TTC7B: variants seen among roughly 807,000 people sequenced by gnomAD.
TTC7B encodes the protein tetratricopeptide repeat domain 7B.
A neutral mutation model predicts 106.8 loss-of-function variants in TTC7B; 28 were observed. The ratio of observed to expected loss-of-function variants is 0.26; its 90% CI spans 0.19 to 0.36. The LOEUF (loss-of-function observed/expected upper bound fraction) is 0.36, where lower values mean the gene tolerates loss of function less well. Among genes scored for constraint, TTC7B ranks in the 10% least tolerant of loss-of-function variants. TTC7B has a pLI of 1.00. For synonymous variants in TTC7B, 405 were observed against 430.6 expected, an observed-to-expected ratio of 0.94 and a Z score of 0.74; for missense variants, 862 against 1,076.4, an observed-to-expected ratio of 0.80 and a Z score of 2.79.
intron 1 of TTC7B, among the ~76,000 whole-genome samples, chr14:90,814,462 G>A (rs974485383): frequency 6.6e-6 from 1 of 152,204 alleles, no homozygotes; most frequent in Non-Finnish European, 1.5e-5. Flanking sequence ...AGGGCATAAG[G>A]GCAGGGGCTT....
chr14:90,639,798 A>G (rs2139875087), intron 15 of TTC7B, among the ~76,000 whole-genome samples: 1 of 152,314 alleles, frequency 6.6e-6, no homozygotes, highest in Non-Finnish European at 1.5e-5. Flanking sequence ...CTAAGTAAGG[A>G]AATCTTAGTG....
chr14:90,599,394 C>T (rs1188878182), intron 17 of TTC7B, among the ~76,000 whole-genome samples: 2 of 152,206 alleles, frequency 1.3e-5, no homozygotes, highest in Non-Finnish European at 2.9e-5. Flanking sequence ...TGGAATCCTG[C>T]CCACCCGGTG....
chr14:90,659,242 AGT>A (rs199576866), intron 9 of TTC7B, among the ~76,000 whole-genome samples: 4,690 of 145,010 alleles, frequency 0.032, 215 homozygotes, highest in African/African-American at 0.12. Context: ...AGAGAGAGAG[AGT>A]GTGTGGAGTG....
chr14:90,791,333 G>A (rs187482236), intron 1 of TTC7B, among the ~76,000 whole-genome samples: 12 of 152,276 alleles, frequency 7.9e-5, no homozygotes, highest in Non-Finnish European at 1.6e-4. Context: ...GGAAGAACCT[G>A]TGTGTTGTGC....
intron 3 of TTC7B, among the ~76,000 whole-genome samples, chr14:90,778,403 T>C (rs978634225): frequency 6.6e-6 from 1 of 152,206 alleles, no homozygotes; most frequent in African/African-American, 2.4e-5. Context: ...GTAGACAGCC[T>C]GCCTCCATTA....
intron 12 of TTC7B, among the ~76,000 whole-genome samples, 179 bp downstream of exon 12, chr14:90,654,814 T>C (rs1049521678): frequency 4.6e-5 from 7 of 152,074 alleles, no homozygotes; most frequent in African/African-American, 1.4e-4. Context: ...TGCCCTCCCA[T>C]TCTCCCATCA....
In TTC7B at chr14:90,531,905, G is replaced by A. The variant is rs1432322263; in HGVS notation, c.*9463C>T. The A allele has an allele frequency of 6.6e-6, 1 of 152,226 alleles. No individual in the cohort carries two copies. The highest frequency in any genetic ancestry group is 2.4e-5 in the African/African-American group (1 of 41,436). 9.4% of individuals were successfully genotyped at this position (152,226 alleles called of 1,614,324 possible). On this transcript the variant is annotated 3_prime_UTR_variant, in exon 20 of 20. Transcript: ENST00000328459. ...GTTTTAAAAACTGCTACATAGGCCA[G>A]GCACACTGACTCACACCTGTTATCC...
At chr14:90,798,323 G>A (rs1247818665) in intron 1 of TTC7B, among the ~76,000 whole-genome samples, 2 of 152,134 alleles carry the variant, frequency 1.3e-5, no homozygotes, top group East Asian at 1.9e-4. Flanking sequence ...ATAATAAAAG[G>A]TGATTGCTTT....
intron 3 of TTC7B, among the ~76,000 whole-genome samples, chr14:90,778,138 C>A (rs1275196615): frequency 6.6e-6 from 1 of 152,174 alleles, no homozygotes; most frequent in Non-Finnish European, 1.5e-5. Flanking sequence ...AGCCCCCAGG[C>A]TGCTGGCCAC....
In TTC7B at chr14:90,672,339, C is replaced by T. The variant is rs183436328; in HGVS notation, c.1152+4184G>A. 5.4e-4 allele frequency among the ~76,000 whole-genome samples: 83 copies of T among 152,296 alleles called. 1 individual carries two copies. Among genetic ancestry groups the T allele is most frequent in the South Asian group, 3.9e-3 (19 of 4,824 alleles). Reference sequence around the variant, plus strand: ...AGGACTTACTCACACACGAGCCACACGGTGATATGTCTAGATCGCATCTTC... The same window carrying T: ...AGGACTTACTCACACACGAGCCACATGGTGATATGTCTAGATCGCATCTTC... On this transcript the variant is annotated intron_variant, in intron 9 of 19. Coordinates refer to ENST00000328459, the MANE Select transcript of TTC7B (RefSeq NM_001010854.2).
intron 3 of TTC7B, among the ~76,000 whole-genome samples, chr14:90,780,487 A>AAAGAAAGAAAGAAAGAAAGG (rs1490881541): frequency 1.3e-5 from 2 of 152,012 alleles, no homozygotes; most frequent in African/African-American, 4.8e-5. Context: ...AGAAAGAAAG[A>AAAGAAAGAAAGAAAGAAAGG]AAGGAAAGAA....
At chr14:90,677,784 C>A (rs1262470516) in intron 8 of TTC7B, 1 of 453,326 alleles carries the variant, frequency 2.2e-6, no homozygotes, top group East Asian at 7.0e-5. Context: ...TGTGTGAGTC[C>A]AAGGCATTTA....
Position 90,668,965 on chromosome 14 carries a change from A to C in TTC7B, c.1152+7558T>G, listed in dbSNP as rs146206332. ...CTCATACTTTCTGATTTCAAAGCTT[A>C]CTACTAAGCTACAGAAATTAAAATA... On this transcript the variant is annotated intron_variant, in intron 9 of 19. Coordinates refer to ENST00000328459, the MANE Select transcript of TTC7B (RefSeq NM_001010854.2). Among the ~76,000 whole-genome samples the C allele has an allele frequency of 2.7e-3, 404 of 151,784 alleles. 3 individuals are homozygous for C. The highest frequency in any genetic ancestry group is 9.2e-3 in the African/African-American group (381 of 41,356).
Position 90,525,630 on chromosome 14 carries a change from C to G in TTC7B, c.*15738G>C, listed in dbSNP as rs1889131356. On this transcript the variant is annotated 3_prime_UTR_variant, in exon 20 of 20. Transcript: ENST00000328459. ...GCAGTCGTCGCTGGGTCAGCTGTTT[C>G]GAGCGGCGGATCTGCTCCTATAGAT... The G allele has an allele frequency of 6.6e-6, 1 of 150,656 alleles. No individual in the cohort carries two copies. Among genetic ancestry groups the G allele is most frequent in the South Asian group, 2.1e-4 (1 of 4,740 alleles). The allele number at this position is 150,656 out of a possible 1,614,324, so 9.3% of individuals were successfully genotyped here.
At chr14:90,738,097 C>A (rs926494343) in intron 4 of TTC7B, among the ~76,000 whole-genome samples, 6 of 151,988 alleles carry the variant, frequency 3.9e-5, no homozygotes, top group Admixed American at 2.6e-4. Context: ...AACAGTAATG[C>A]TATTTTTGAG....
chr14:90,643,426 A>G (rs761257545), intron 15 of TTC7B, among the ~76,000 whole-genome samples: 17 of 152,240 alleles, frequency 1.1e-4, no homozygotes, highest in Admixed American at 7.2e-4. Flanking sequence ...AAAGGAATGT[A>G]TAACTATTAA....
Position 90,538,938 on chromosome 14 carries a change from A to G in TTC7B, c.*2430T>C, listed in dbSNP as rs1029425691. ...ATCATTCTCAGGCAGGCCACCCCATATAATGTCAAATGGCACCCACAGCCC... is the reference window on the plus strand; with the variant it reads ...ATCATTCTCAGGCAGGCCACCCCATGTAATGTCAAATGGCACCCACAGCCC... On this transcript the variant is annotated 3_prime_UTR_variant, in exon 20 of 20. Transcript: ENST00000328459. The G allele has an allele frequency of 2.6e-5, 4 of 152,142 alleles. No individual in the cohort carries two copies. The highest frequency in any genetic ancestry group is 9.7e-5 in the African/African-American group (4 of 41,422). The allele number at this position is 152,142 out of a possible 1,614,324, so 9.4% of individuals were successfully genotyped here.
intron 13 of TTC7B, 108 bp downstream of exon 13, chr14:90,652,733 G>T: frequency 7.8e-7 from 1 of 1,288,758 alleles, no homozygotes; most frequent in Non-Finnish European, 1.1e-6. Flanking sequence ...AAGACTCTCA[G>T]GGGTAAAACA....
chr14:90,568,589 T>A (rs1169072725), intron 19 of TTC7B, among the ~76,000 whole-genome samples: 1 of 152,130 alleles, frequency 6.6e-6, no homozygotes, highest in Non-Finnish European at 1.5e-5. Context: ...CCTGGGCCCA[T>A]GAAGCTTCTG....
Sources: gnomAD v4.1 joint callset for allele counts (sites outside exome capture counted in the v4.1 genomes callset) on GRCh38, gnomAD v4.1.1 for gene constraint, MANE v1.5 for transcripts, NCBI Gene and HGNC (gene_info 2026-07-23, HGNC 2026-07-21) for gene names.